Variants in HYAL1 observed in about 807,000 individuals in gnomAD.
HYAL1 encodes hyaluronidase 1.
In HYAL1, 21 loss-of-function variants were observed where a neutral mutation model predicts 28.8. The observed-to-expected ratio is 0.73, with a 90% CI of 0.52 to 1.05. The LOEUF (loss-of-function observed/expected upper bound fraction) is 1.05, where lower values mean the gene tolerates loss of function less well. HYAL1 is among the 50% of genes least tolerant of loss of function. HYAL1 has a pLI of 0.00. For missense variants in HYAL1, 491 were observed against 579.2 expected, an observed-to-expected ratio of 0.85 and a Z score of 1.56; for synonymous variants, 200 against 230.1, an observed-to-expected ratio of 0.87 and a Z score of 1.18.
intron 2 of HYAL1, among the ~76,000 whole-genome samples, chr3:50,309,461 C>CAAAAAAAAAA: frequency 1.6e-5 from 1 of 60,916 alleles, no homozygotes; most frequent in Non-Finnish European, 3.8e-5. Context: ...CAGACTCCAC[C>CAAAAAAAAAA]AAAAAAAAAA....
At position 50,309,511 on chromosome 3, in the gene HYAL1, A is replaced by G. The variant is rs1051171781; in HGVS notation, c.-191+148T>C. 22 of 151,122 alleles carry G rather than the reference A, an allele frequency of 1.5e-4. 2 individuals carry two copies. The highest frequency in any genetic ancestry group is 5.2e-4 in the African/African-American group (21 of 40,484). 9.4% of individuals were successfully genotyped at this position (151,122 alleles called of 1,614,324 possible). On this transcript the variant is annotated intron_variant, in intron 2 of 5. Transcript: ENST00000320295. Reference sequence around the variant, plus strand: ...CTGTTTTCATTTGTAACAGGACACAATTGGAGGAATTGATTATTTGACCAA... The same window carrying G: ...CTGTTTTCATTTGTAACAGGACACAGTTGGAGGAATTGATTATTTGACCAA...
rs1553712524 is a variant in HYAL1 at position 50,300,667 on chromosome 3, T to C, written c.1124A>G (p.His375Arg). 1.2e-6 allele frequency: 2 copies of C among 1,613,658 alleles called. No individual in the cohort carries two copies. Residue 375 changes from histidine (H) to arginine (R), a missense_variant, in exon 4 of 4, where the codon CAC becomes CGC. Physicochemically the swap from His to Arg is conservative, Grantham distance 29. Coordinates refer to ENST00000395144, the MANE Select transcript of HYAL1 (RefSeq NM_033159.4). ...GHGRCVRRTS[H>R]PKALLLLNPA... ...GTTAAGGAGGAGGAGGGCTTTGGGGTGGCTGGTGCGGCGGACACAGCGGCC... is the reference window on the plus strand; with the variant it reads ...GTTAAGGAGGAGGAGGGCTTTGGGGCGGCTGGTGCGGCGGACACAGCGGCC...
upstream of HYAL1, among the ~76,000 whole-genome samples, chr3:50,304,289 AAAAAAAAATATAT>A (rs1357108842): frequency 1.6e-5 from 1 of 61,904 alleles, no homozygotes; most frequent in African/African-American, 7.0e-5. Flanking sequence ...AAAAAAAAAA[AAAAAAAAATATAT>A]ATATATATAT....
rs782450263 is a variant in HYAL1 at position 50,302,849 on chromosome 3, C to G, written c.108G>C (p.Trp36Cys). 5.0e-6 allele frequency: 8 copies of G among 1,613,884 alleles called. No homozygotes were observed. In the African/African-American group the frequency reaches 9.3e-5, roughly 19 times the overall value. ...LLPNRPFTTV[W>C]NANTQWCLER... is the part of the protein sequence containing the mutation. The stretch of plus-strand genomic sequence containing the variant: ...CCAGGCACCACTGGGTGTTTGCATT[C>G]CAGACGGTGGTGAAGGGCCGGTTGG... The change falls in exon 2 of 4, where the codon TGG becomes TGC. Residue 36 changes from tryptophan (W) to cysteine (C), a missense_variant. Trp to Cys is a radical substitution (Grantham distance 215). Coordinates refer to ENST00000395144, the MANE Select transcript of HYAL1 (RefSeq NM_033159.4). The surrounding 1 kb of genome is among the most constrained non-coding windows in gnomAD (Gnocchi z 5.0).
At chr3:50,305,156 C>T (rs1318106475), upstream of HYAL1, among the ~76,000 whole-genome samples, 2 of 152,252 alleles carry the variant, frequency 1.3e-5, no homozygotes, top group Admixed American at 1.3e-4. Flanking sequence ...CTGTCTGTCA[C>T]CTGCCTGTGA....
In HYAL1 at chr3:50,302,164, G is replaced by A. The variant is rs1018254791; in HGVS notation, c.793C>T (p.Arg265Cys). Residue 265 changes from arginine (R) to cysteine (C), a missense_variant, in exon 2 of 4, where the codon CGT becomes TGT. Arg to Cys is a radical substitution (Grantham distance 180). Coordinates refer to ENST00000395144, the MANE Select transcript of HYAL1 (RefSeq NM_033159.4). The surrounding 1 kb of genome is among the most constrained non-coding windows in gnomAD (Gnocchi z 5.0). ...TGKSQMYVQH[R>C]VAEAFRVAVA... ...GCCACACGGAATGCCTCGGCCACAC[G>A]GTGTTGCACATACATCTGTGACTTC... The A allele has an allele frequency of 1.2e-5, 19 of 1,614,180 alleles. No individual in the cohort carries two copies. The highest frequency in any genetic ancestry group is 3.3e-4 in the Middle Eastern group (2 of 6,062).
At chr3:50,305,759 C>T (rs1702325129), upstream of HYAL1, among the ~76,000 whole-genome samples, 13 of 151,332 alleles carry the variant, frequency 8.6e-5, no homozygotes, top group South Asian at 2.7e-3. Context: ...TGGTCTTGAA[C>T]TCCTGACCTT....
At chr3:50,303,011 T>C (rs2109309526) in intron 1 of HYAL1, 31 bp from the exon 2 acceptor site, 1 of 1,497,392 alleles carries the variant, frequency 6.7e-7, no homozygotes, top group Non-Finnish European at 8.9e-7. Context: ...TGAGAACAGG[T>C]TGCAAAGTCT....
intron 1 of HYAL1, chr3:50,312,147 G>GT (rs1702483076): frequency 1.3e-5 from 2 of 153,932 alleles, no homozygotes; most frequent in African/African-American, 5.2e-5. Context: ...CCAGGACGGG[G>GT]CGGCTGGCCA....
chr3:50,302,556 C>G lies in HYAL1; in HGVS notation c.401G>C (p.Arg134Pro), dbSNP rs1402185845. Residue 134 changes from arginine (R) to proline (P), a missense_variant, in exon 2 of 4, where the codon CGC becomes CCC. By Grantham distance (103) the Arg-to-Pro change is moderately radical. Transcript: ENST00000395144. The surrounding 1 kb of genome is among the most constrained non-coding windows in gnomAD (Gnocchi z 5.0). ...GLAVIDWEAW[R>P]PRWAFNWDTK... Reference sequence around the variant, plus strand: ...GTCCCAGTTGAAGGCCCAGCGTGGGCGCCATGCCTCCCAGTCGATGACTGC... The same window carrying G: ...GTCCCAGTTGAAGGCCCAGCGTGGGGGCCATGCCTCCCAGTCGATGACTGC... 4.3e-6 allele frequency: 7 copies of G among 1,614,042 alleles called. No homozygotes were observed. The Admixed American group carries it at 1.2e-4, about 27-fold the overall frequency.
intron 1 of HYAL1, among the ~76,000 whole-genome samples, chr3:50,311,916 G>C (rs1649824817): frequency 2.8e-5 from 4 of 144,890 alleles, no homozygotes. Context: ...TCCCCTCACG[G>C]ATGGGGTGGC....
chr3:50,306,602 T>A (rs193000933), upstream of HYAL1, among the ~76,000 whole-genome samples: 5 of 151,322 alleles, frequency 3.3e-5, no homozygotes, highest in Admixed American at 6.6e-5. Context: ...AAAAATTTTT[T>A]TTGGCTGGGA....
chr3:50,300,453 C>G lies in HYAL1; in HGVS notation c.*30G>C. 1 of 1,612,066 alleles carries G rather than the reference C, an allele frequency of 6.2e-7. No individual in the cohort carries two copies. The highest frequency in any genetic ancestry group is 8.5e-7 in the Non-Finnish European group (1 of 1,178,240). The stretch of plus-strand genomic sequence containing the variant: ...GGCCAGACCCAGAGTGCATTAGGTT[C>G]TCAATATGTGCAACTCAGTGTGTGG... On this transcript the variant is annotated 3_prime_UTR_variant, in exon 4 of 4. Coordinates refer to ENST00000395144, the MANE Select transcript of HYAL1 (RefSeq NM_033159.4).
Position 50,302,444 on chromosome 3 carries a change from G to A in HYAL1, c.513C>T (p.Ala171=). Residue 171 remains alanine, a synonymous_variant, in exon 2 of 4, where the codon GCC becomes GCT. Coordinates refer to ENST00000395144, the MANE Select transcript of HYAL1 (RefSeq NM_033159.4). This position sits in a 1 kb window ranked among gnomAD's most constrained non-coding sequence, Gnocchi z 5.0. ...DWPAPQVEAV[A]QDQFQGAARA... ...GTGCAGCTCCCTGGAACTGGTCCTG[G>A]GCTACTGCCTCCACCTGAGGAGCTG... The A allele has an allele frequency of 6.2e-7, 1 of 1,613,944 alleles. No individual in the cohort carries two copies.
At chr3:50,303,187 A>G (rs2109309884) in intron 1 of HYAL1, 1 of 496,702 alleles carries the variant, frequency 2.0e-6, no homozygotes, top group Non-Finnish European at 3.6e-6. Context: ...CTCTCAGACC[A>G]GGCCTCTGCC....
chr3:50,311,410 C>T (rs868967361), intron 1 of HYAL1, among the ~76,000 whole-genome samples: 1 of 142,934 alleles, frequency 7.0e-6, no homozygotes, highest in Non-Finnish European at 1.5e-5. Flanking sequence ...GCGCCCCTCA[C>T]CTCCCGGATG....
chr3:50,302,831 CCACTG>C lies in HYAL1; in HGVS notation c.121_125del (p.Gln41ValfsTer28). On this transcript the variant is annotated frameshift_variant, in exon 2 of 4. Transcript: ENST00000395144. LOFTEE classifies it high-confidence loss of function. The surrounding 1 kb of genome is among the most constrained non-coding windows in gnomAD (Gnocchi z 5.0). Reference sequence around the variant, plus strand: ...CGTCCACACCGTGCCTCTCCAGGCACCACTGGGTGTTTGCATTCCAGACGGTGGTG... The same window carrying C: ...CGTCCACACCGTGCCTCTCCAGGCACGGTGTTTGCATTCCAGACGGTGGTG... 6.2e-7 allele frequency: 1 copy of C among 1,614,054 alleles called. No individual in the cohort carries two copies. Among genetic ancestry groups the C allele is most frequent in the South Asian group, 1.1e-5 (1 of 91,090 alleles).
chr3:50,304,296 AATATATATATATATAT>A (rs1175956843), upstream of HYAL1, among the ~76,000 whole-genome samples: 193 of 30,400 alleles, frequency 6.3e-3, no homozygotes, highest in African/African-American at 9.1e-3. Flanking sequence ...AAAAAAAAAA[AATATATATATATATAT>A]ATATATATAT....
Position 50,302,761 on chromosome 3 carries a change from A to C in HYAL1, c.196T>G (p.Phe66Val). 1 of 1,613,994 alleles carries C rather than the reference A, an allele frequency of 6.2e-7. No individual in the cohort carries two copies. The highest frequency in any genetic ancestry group is 8.5e-7 in the Non-Finnish European group (1 of 1,180,022). ...AAAATTGTCATGTCAGGGCCGCGGA[A>C]GGTCTGCCCTGGGTTGGCTACCACA... ...FDVVANPGQT[F>V]RGPDMTIFYS... Residue 66 changes from phenylalanine to valine, a missense_variant, in exon 2 of 4, where the codon TTC (phenylalanine) becomes GTC (valine). By Grantham distance (50) the Phe-to-Val change is conservative. Coordinates refer to ENST00000395144, the MANE Select transcript of HYAL1 (RefSeq NM_033159.4). This position sits in a 1 kb window ranked among gnomAD's most constrained non-coding sequence, Gnocchi z 5.0.
Sources: gnomAD v4.1 joint callset for allele counts (sites outside exome capture counted in the v4.1 genomes callset) on GRCh38, gnomAD v4.1.1 for gene constraint, Gnocchi (gnomAD v3.1) non-coding constraint, MANE v1.5 for transcripts, NCBI Gene and HGNC (gene_info 2026-07-23, HGNC 2026-07-21) for gene names.